The following ENPEP variants were observed in gnomAD, a reference collection of about 807,000 sequenced individuals.
The protein encoded by ENPEP is glutamyl aminopeptidase.
ENPEP carries 103 observed loss-of-function variants against 114.5 expected under a neutral mutation model. The observed-to-expected ratio is 0.90, with a 90% CI of 0.77 to 1.06. ENPEP has a LOEUF of 1.06. Ranked by LOEUF, ENPEP falls within the 50% of genes least tolerant of loss-of-function variation. The pLI is 0.00. For synonymous variants in ENPEP, 420 were observed against 422.0 expected (o/e 1.00, Z 0.06); for missense variants, 1,196 against 1,161.3 (o/e 1.03, Z -0.43).
chr4:110,563,177 C>T lies in ENPEP; in HGVS notation c.*1619C>T, dbSNP rs1029352840. The T allele has an allele frequency of 5.9e-5, 9 of 152,210 alleles. No homozygotes were observed. The highest frequency in any genetic ancestry group is 3.4e-3 in the Middle Eastern group (1 of 290). 9.4% of individuals were successfully genotyped at this position (152,210 alleles called of 1,614,324 possible). ...TCATAAGATTAACTTAAAATTCTGA[C>T]CACAATCAGAACCAGCACTTGAAGT... On this transcript the variant is annotated 3_prime_UTR_variant, in exon 20 of 20. Coordinates refer to ENST00000265162, the MANE Select transcript of ENPEP (RefSeq NM_001977.4).
intron 1 of ENPEP, among the ~76,000 whole-genome samples, chr4:110,484,320 T>G (rs892612453): frequency 6.6e-6 from 1 of 152,138 alleles, no homozygotes; most frequent in Non-Finnish European, 1.5e-5. Flanking sequence ...TTTTGTGACT[T>G]GGTCAAGATC....
At chr4:110,551,666 C>T (rs1727290998) in intron 17 of ENPEP, among the ~76,000 whole-genome samples, 1 of 152,186 alleles carries the variant, frequency 6.6e-6, no homozygotes, top group Admixed American at 6.6e-5. Context: ...AGAGTTCTCA[C>T]ACTGCTGAGT....
intron 3 of ENPEP, among the ~76,000 whole-genome samples, chr4:110,499,816 C>A (rs1337771756): frequency 6.6e-6 from 1 of 151,982 alleles, no homozygotes; most frequent in East Asian, 1.9e-4. Flanking sequence ...GGGAACTGGA[C>A]CAGTGAACGG....
Position 110,510,369 on chromosome 4 carries a change from A to C in ENPEP, c.1308+11A>C, listed in dbSNP as rs369510825. 1.4e-5 allele frequency: 22 copies of C among 1,595,424 alleles called. No individual in the cohort carries two copies. In the African/African-American group the frequency reaches 2.3e-4, roughly 17 times the overall value. The stretch of plus-strand genomic sequence containing the variant: ...ACAGACTGGCAAATGGTGAGTCCTA[A>C]ACACATAAACTTGAAATCTCTCTTT... On this transcript the variant is annotated intron_variant, in intron 6 of 19. Transcript: ENST00000265162.
intron 3 of ENPEP, among the ~76,000 whole-genome samples, chr4:110,492,784 T>C (rs1724776977): frequency 6.6e-6 from 1 of 152,202 alleles, no homozygotes; most frequent in Admixed American, 6.5e-5. Flanking sequence ...GTGAGAACAT[T>C]AGTCAAGCTT....
At position 110,509,824 on chromosome 4, in the gene ENPEP, C is replaced by T; in HGVS notation, c.1194+17C>T. The T allele has an allele frequency of 1.3e-5, 21 of 1,600,018 alleles. No individual in the cohort carries two copies. Among genetic ancestry groups the T allele is most frequent in the Non-Finnish European group, 1.8e-5 (21 of 1,175,698 alleles). On this transcript the variant is annotated intron_variant, in intron 5 of 19. Coordinates refer to ENST00000265162, the MANE Select transcript of ENPEP (RefSeq NM_001977.4). ...GTGCATCAGGTACAGAATCTTAGCA[C>T]TGAATCAGCTTGTTTTTTTAAAGTG... is the stretch of plus-strand genomic sequence containing the variant.
intron 18 of ENPEP, among the ~76,000 whole-genome samples, chr4:110,556,587 C>T (rs940290789): frequency 3.3e-5 from 5 of 150,368 alleles, no homozygotes; most frequent in Non-Finnish European, 5.9e-5. Context: ...ACACTGAATC[C>T]TTTGTTGTTT....
intron 3 of ENPEP, among the ~76,000 whole-genome samples, chr4:110,491,691 C>T (rs191347104): frequency 1.3e-4 from 19 of 149,596 alleles, no homozygotes; most frequent in African/African-American, 2.4e-4. Context: ...AATATCAAGA[C>T]GACTAGTTCA....
intron 3 of ENPEP, among the ~76,000 whole-genome samples, chr4:110,495,949 T>C (rs543936634): frequency 6.6e-6 from 1 of 152,330 alleles, no homozygotes; most frequent in African/African-American, 2.4e-5. Context: ...GGAGGAATTA[T>C]TCACTAAGGG....
intron 10 of ENPEP, among the ~76,000 whole-genome samples, chr4:110,521,853 AC>A (rs1726002785): frequency 1.3e-5 from 2 of 151,966 alleles, no homozygotes; most frequent in African/African-American, 4.8e-5. Flanking sequence ...ACAGTCTAGC[AC>A]CCAACAGATA....
At position 110,510,375 on chromosome 4, in the gene ENPEP, T is replaced by C. The variant is rs767893314; in HGVS notation, c.1308+17T>C. On this transcript the variant is annotated intron_variant, in intron 6 of 19. Coordinates refer to ENST00000265162, the MANE Select transcript of ENPEP (RefSeq NM_001977.4). The stretch of plus-strand genomic sequence containing the variant: ...TGGCAAATGGTGAGTCCTAAACACA[T>C]AAACTTGAAATCTCTCTTTTCCTCA... The C allele has an allele frequency of 1.9e-6, 3 of 1,587,902 alleles. No individual in the cohort carries two copies. The South Asian group carries it at 3.3e-5, about 18-fold the overall frequency.
intron 10 of ENPEP, among the ~76,000 whole-genome samples, chr4:110,526,235 T>C (rs1025381344): frequency 6.6e-5 from 10 of 152,076 alleles, no homozygotes; most frequent in African/African-American, 2.2e-4. Flanking sequence ...AAGATCATGC[T>C]ACTGCACTCC....
intron 11 of ENPEP, among the ~76,000 whole-genome samples, chr4:110,534,130 G>T (rs1726516542): frequency 6.6e-6 from 1 of 152,102 alleles, no homozygotes; most frequent in Admixed American, 6.6e-5. Flanking sequence ...TACTAAATGG[G>T]CAACCAGCTC....
At chr4:110,487,828 C>A (rs1244670320) in intron 1 of ENPEP, among the ~76,000 whole-genome samples, 1 of 151,998 alleles carries the variant, frequency 6.6e-6, no homozygotes, top group African/African-American at 2.4e-5. Flanking sequence ...ATAATATTTT[C>A]ACCTTGAAAT....
intron 6 of ENPEP, chr4:110,512,531 G>A (rs564232003): frequency 3.9e-5 from 6 of 152,318 alleles, no homozygotes; most frequent in African/African-American, 1.4e-4. Flanking sequence ...ATTGGAAAAT[G>A]TAAGCCAATA....
intron 13 of ENPEP, among the ~76,000 whole-genome samples, chr4:110,545,111 G>A (rs1235104473): frequency 6.6e-6 from 1 of 151,986 alleles, no homozygotes; most frequent in African/African-American, 2.4e-5. Flanking sequence ...TGGTGGAGGG[G>A]GTGGAAGAGA....
In ENPEP at chr4:110,476,699, C is replaced by T. The variant is rs764855956; in HGVS notation, c.285C>T (p.Asp95=). The T allele has an allele frequency of 2.4e-5, 38 of 1,613,852 alleles. No individual in the cohort carries two copies. The South Asian group carries it at 4.2e-4, about 18-fold the overall frequency. Residue 95 remains aspartate (D), a synonymous_variant, in exon 1 of 20, where the codon GAC becomes GAT. Transcript: ENST00000265162. ...AGTGGAAAAACTTTCGACTGCCGGA[C>T]TTCGTCAACCCAGTCCACTACGACC... ...SGQWKNFRLP[D]FVNPVHYDLH...
rs914660765 is a variant in ENPEP at position 110,560,314 on chromosome 4, G to A, written c.2721+589G>A. 7.9e-5 allele frequency among the ~76,000 whole-genome samples: 12 copies of A among 152,194 alleles called. No homozygotes were observed. In the East Asian group the frequency reaches 9.6e-4, roughly 12 times the overall value. On this transcript the variant is annotated intron_variant, in intron 19 of 19. Coordinates refer to ENST00000265162, the MANE Select transcript of ENPEP (RefSeq NM_001977.4). ...ATCCTTTGGGTATATACCCAGTAACGGGATAGAATGAAACTATTTTTTCAA... is the reference window on the plus strand; with the variant it reads ...ATCCTTTGGGTATATACCCAGTAACAGGATAGAATGAAACTATTTTTTCAA...
intron 10 of ENPEP, among the ~76,000 whole-genome samples, chr4:110,527,118 C>G (rs1440858034): frequency 6.6e-6 from 1 of 152,158 alleles, no homozygotes; most frequent in Non-Finnish European, 1.5e-5. Flanking sequence ...CTACAGCACA[C>G]TCAGGTGTTT....
Sources: allele counts gnomAD v4.1 joint callset (sites outside exome capture counted in the v4.1 genomes callset), GRCh38; gene constraint gnomAD v4.1.1; transcripts MANE v1.5; gene names NCBI Gene and HGNC (gene_info 2026-07-23, HGNC 2026-07-21).